The following AFMID variants were observed in gnomAD, a reference collection of about 807,000 sequenced individuals.
AFMID encodes the protein kynurenine formamidase.
A neutral mutation model predicts 47.5 loss-of-function variants in AFMID; 39 were observed. The ratio of observed to expected loss-of-function variants is 0.82; its 90% CI spans 0.64 to 1.07. The LOEUF (loss-of-function observed/expected upper bound fraction) is 1.07. Among genes scored for constraint, AFMID ranks in the 50% least tolerant of loss-of-function variants. The pLI is 0.00. For missense variants in AFMID, 375 were observed against 387.5 expected, an observed-to-expected ratio of 0.97 and a Z score of 0.27; for synonymous variants, 130 against 153.2, an observed-to-expected ratio of 0.85 and a Z score of 1.12.
At position 78,204,680 on chromosome 17, in the gene AFMID, C is replaced by T; in HGVS notation, c.333C>T (p.Val111=). The change falls in exon 5 of 11, where the codon GTC becomes GTT. Residue 111 remains valine, a synonymous_variant. Coordinates refer to ENST00000409257, the MANE Select transcript of AFMID (RefSeq NM_001010982.5). Reference sequence around the variant, plus strand: ...GTAAGGATGAGTCTGCCTTCATGGTCCACCCGCTGACGGCACAGGGAGTGG... The same window carrying T: ...GTAAGGATGAGTCTGCCTTCATGGTTCACCCGCTGACGGCACAGGGAGTGG... ...SGSKDESAFM[V]HPLTAQGVAV... 6.2e-7 allele frequency: 1 copy of T among 1,614,146 alleles called. No homozygotes were observed. Among genetic ancestry groups the T allele is most frequent in the Non-Finnish European group, 8.5e-7 (1 of 1,180,042 alleles).
intron 9 of AFMID, 61 bp downstream of exon 9, chr17:78,205,799 C>CT (rs774890501): frequency 2.5e-6 from 4 of 1,601,192 alleles, no homozygotes; most frequent in Non-Finnish European, 3.4e-6. Flanking sequence ...TTATTTTCCT[C>CT]TTTCTTTTAC....
At chr17:78,194,313 C>G (rs973758424) in intron 2 of AFMID, among the ~76,000 whole-genome samples, 1 of 151,986 alleles carries the variant, frequency 6.6e-6, no homozygotes, top group Admixed American at 6.6e-5. Flanking sequence ...TTAGTAGAGG[C>G]GGGGTTTCAC....
In AFMID at chr17:78,207,461, T is replaced by C. The variant is rs1040036871; in HGVS notation, c.*524T>C. The stretch of plus-strand genomic sequence containing the variant: ...ATCATGCCTGGCTAATTTTTGTATT[T>C]TTAGTAGAGACGGGGTTTCAACATA... On this transcript the variant is annotated 3_prime_UTR_variant, in exon 11 of 11. Transcript: ENST00000409257. The C allele has an allele frequency of 1.3e-5, 2 of 154,788 alleles. No homozygotes were observed. The highest frequency in any genetic ancestry group is 4.8e-5 in the African/African-American group (2 of 41,484). The allele number at this position is 154,788 out of a possible 1,614,324, so 9.6% of individuals were successfully genotyped here.
intron 3 of AFMID, 30 bp downstream of exon 3, chr17:78,202,633 G>T: frequency 6.3e-7 from 1 of 1,592,766 alleles, no homozygotes. Flanking sequence ...GGGGTCCCGG[G>T]GCTTGGGGGT....
intron 2 of AFMID, chr17:78,192,898 A>C (rs1233483609): frequency 7.3e-6 from 2 of 273,356 alleles, no homozygotes; most frequent in African/African-American, 4.5e-5. Context: ...CTAAGCGGAG[A>C]GAACCCAGGA....
intron 1 of AFMID, 145 bp downstream of exon 1, chr17:78,187,578 C>G: frequency 1.3e-6 from 1 of 754,952 alleles, no homozygotes; most frequent in Non-Finnish European, 2.2e-6. Context: ...GTCCCCAGTG[C>G]TTGAGCACCA....
At chr17:78,206,286 C>T (rs1187179678) in intron 10 of AFMID, among the ~76,000 whole-genome samples, 1 of 146,396 alleles carries the variant, frequency 6.8e-6, no homozygotes, top group Admixed American at 7.0e-5. Flanking sequence ...TTGCAGTGAG[C>T]CAAGATTGCA....
At position 78,202,541 on chromosome 17, in the gene AFMID, T is replaced by C; in HGVS notation, c.197T>C (p.Val66Ala). 1.2e-6 allele frequency: 2 copies of C among 1,613,928 alleles called. No individual in the cohort carries two copies. The highest frequency in any genetic ancestry group is 1.7e-6 in the Non-Finnish European group (2 of 1,179,960). ...GCCACCAGGAAGAGCCTGCTGCATG[T>C]CCCCTATGGAGACGGCGAAGGGGAG... ...ARATRKSLLH[V>A]PYGDGEGEKV... The change falls in exon 3 of 11, where the codon GTC becomes GCC. Residue 66 changes from valine to alanine, a missense_variant. Physicochemically the swap from Val to Ala is moderately conservative, Grantham distance 64. Transcript: ENST00000409257.
At chr17:78,191,753 G>A (rs1414507026) in intron 2 of AFMID, among the ~76,000 whole-genome samples, 10 of 148,744 alleles carry the variant, frequency 6.7e-5, no homozygotes, top group Admixed American at 2.7e-4. Flanking sequence ...GCAGTGGCGC[G>A]ATCTCAGCTC....
chr17:78,205,943 C>T lies in AFMID; in HGVS notation c.781-3C>T. ...CCCCTCTTCCCATGTCTCCCCTGCC[C>T]AGACCCTGTGTCAAGGAGAGTGGAA... is the stretch of plus-strand genomic sequence containing the variant. On this transcript the variant is annotated splice_region_variant and splice_polypyrimidine_tract_variant and intron_variant, in intron 9 of 10. Coordinates refer to ENST00000409257, the MANE Select transcript of AFMID (RefSeq NM_001010982.5). The T allele has an allele frequency of 1.2e-6, 2 of 1,614,000 alleles. No individual in the cohort carries two copies. Among genetic ancestry groups the T allele is most frequent in the Admixed American group, 1.7e-5 (1 of 59,990 alleles).
At chr17:78,195,843 A>G (rs938053778) in intron 2 of AFMID, among the ~76,000 whole-genome samples, 2 of 151,302 alleles carry the variant, frequency 1.3e-5, no homozygotes, top group African/African-American at 2.4e-5. Flanking sequence ...AATTATTATT[A>G]TTATTATTAT....
At chr17:78,193,570 G>T (rs536463652) in intron 2 of AFMID, among the ~76,000 whole-genome samples, 6 of 151,518 alleles carry the variant, frequency 4.0e-5, no homozygotes, top group Admixed American at 1.3e-4. Flanking sequence ...AAAGAGGCCA[G>T]GAACTGTCAC....
chr17:78,197,089 T>C (rs1285714790), intron 2 of AFMID: 1 of 1,460,738 alleles, frequency 6.8e-7, no homozygotes, highest in South Asian at 1.2e-5. Context: ...ACTTAGAACA[T>C]AAATTCCATG....
At chr17:78,202,677 C>T (rs1363458079) in intron 3 of AFMID, 26 bp from the exon 4 acceptor site, 4 of 1,565,276 alleles carry the variant, frequency 2.6e-6, no homozygotes, top group Admixed American at 3.9e-5. Context: ...GGGCCTTGCT[C>T]ACACGCCCTG....
At chr17:78,204,929 G>C (rs1040229837) in intron 6 of AFMID, 29 bp downstream of exon 6, 3 of 1,613,944 alleles carry the variant, frequency 1.9e-6, no homozygotes, top group South Asian at 1.1e-5. Context: ...TTTTCTTCCT[G>C]TTGGACCTCA....
intron 6 of AFMID, 60 bp downstream of exon 6, chr17:78,204,960 A>C (rs779411133): frequency 5.6e-6 from 9 of 1,604,836 alleles, no homozygotes; most frequent in Non-Finnish European, 6.8e-6. Flanking sequence ...GGACAGTGCA[A>C]TCAGTACCTA....
chr17:78,202,523 G>A lies in AFMID; in HGVS notation c.179G>A (p.Arg60Lys). 6.2e-7 allele frequency: 1 copy of A among 1,614,154 alleles called. No homozygotes were observed. Among genetic ancestry groups the A allele is most frequent in the Non-Finnish European group, 8.5e-7 (1 of 1,180,036 alleles). ...GCCACCACAAGGGCCCGGGCCACCA[G>A]GAAGAGCCTGCTGCATGTCCCCTAT... ...IEATTRARAT[R>K]KSLLHVPYGD... Residue 60 changes from arginine (R) to lysine (K), a missense_variant, in exon 3 of 11, where the codon AGG becomes AAG. Physicochemically the swap from Arg to Lys is conservative, Grantham distance 26 (BLOSUM62 2). Coordinates refer to ENST00000409257, the MANE Select transcript of AFMID (RefSeq NM_001010982.5).
chr17:78,205,419 G>A, intron 7 of AFMID, 21 bp from the exon 8 acceptor site: 1 of 1,613,836 alleles, frequency 6.2e-7, no homozygotes, highest in Non-Finnish European at 8.5e-7. Flanking sequence ...CTGGCCCTGT[G>A]ACAATTCTGT....
At chr17:78,194,589 CTG>C (rs1211792345) in intron 2 of AFMID, among the ~76,000 whole-genome samples, 3 of 152,158 alleles carry the variant, frequency 2.0e-5, no homozygotes. Flanking sequence ...AGTCTAACTG[CTG>C]TGTGAGTATG....
Sources: allele counts gnomAD v4.1 joint callset (sites outside exome capture counted in the v4.1 genomes callset), GRCh38; gene constraint gnomAD v4.1.1; transcripts MANE v1.5; gene names NCBI Gene and HGNC (gene_info 2026-07-23, HGNC 2026-07-21).